Variants in CTSC observed in about 807,000 individuals in gnomAD.
CTSC encodes the protein dipeptidyl peptidase 1.
In CTSC, 37 loss-of-function variants were observed where a neutral mutation model predicts 40.9. The observed-to-expected ratio is 0.91, with a 90% confidence interval of 0.70 to 1.19. CTSC has a LOEUF of 1.19. CTSC is among the 50% of genes most tolerant of loss of function. CTSC has a pLI of 0.00. For synonymous variants in CTSC, 232 were observed against 207.4 expected, an observed-to-expected ratio of 1.12 and a Z score of -1.02; for missense variants, 594 against 567.3, an observed-to-expected ratio of 1.05 and a Z score of -0.48.
At chr11:88,313,830 T>C (rs1341172157) in intron 2 of CTSC, among the ~76,000 whole-genome samples, 2 of 152,192 alleles carry the variant, frequency 1.3e-5, no homozygotes, top group African/African-American at 4.8e-5. Context: ...ATAAACATTC[T>C]GGGATTCCAT....
chr11:88,319,094 T>C (rs1197708292), intron 2 of CTSC, among the ~76,000 whole-genome samples: 1 of 152,202 alleles, frequency 6.6e-6, no homozygotes, highest in Non-Finnish European at 1.5e-5. Flanking sequence ...ATCTGCCTGC[T>C]TAAACTGACT....
intron 2 of CTSC, among the ~76,000 whole-genome samples, chr11:88,314,429 T>G (rs963546922): frequency 6.6e-6 from 1 of 152,230 alleles, no homozygotes. Context: ...AAAACTGGAC[T>G]TGAATTGTGG....
At chr11:88,313,046 A>C (rs1188777807) in intron 2 of CTSC, among the ~76,000 whole-genome samples, 1 of 152,168 alleles carries the variant, frequency 6.6e-6, no homozygotes, top group African/African-American at 2.4e-5. Flanking sequence ...CAAGGGCCAC[A>C]CTAGGAAACT....
intron 3 of CTSC, among the ~76,000 whole-genome samples, chr11:88,310,064 G>T (rs1476567218): frequency 6.6e-6 from 1 of 151,990 alleles, no homozygotes; most frequent in East Asian, 1.9e-4. Flanking sequence ...TGGACATTCG[G>T]TTTATACTTG....
chr11:88,309,359 T>C (rs1405479557), intron 3 of CTSC, 41 bp from the exon 4 acceptor site: 1 of 1,526,528 alleles, frequency 6.6e-7, no homozygotes, highest in East Asian at 2.3e-5. Flanking sequence ...TAGTCTTTAC[T>C]GATGTAAATA....
At chr11:88,325,860 A>G in intron 2 of CTSC, 1 of 986,902 alleles carries the variant, frequency 1.0e-6, no homozygotes, top group Non-Finnish European at 1.2e-6. Context: ...TCCCTTCAAT[A>G]ACTTATATCT....
chr11:88,296,590 G>A (rs866992438), intron 5 of CTSC: 5 of 354,008 alleles, frequency 1.4e-5, no homozygotes, highest in South Asian at 9.0e-5. Context: ...TGTCTACAAC[G>A]TTCAAAGCCA....
intron 2 of CTSC, among the ~76,000 whole-genome samples, chr11:88,312,914 C>A (rs1937795273): frequency 6.6e-6 from 1 of 152,146 alleles, no homozygotes; most frequent in Non-Finnish European, 1.5e-5. Flanking sequence ...ATGATAATAA[C>A]CACATTTTAC....
intron 3 of CTSC, among the ~76,000 whole-genome samples, chr11:88,309,571 G>A (rs376621329): frequency 1.8e-4 from 28 of 152,074 alleles, no homozygotes; most frequent in African/African-American, 5.1e-4. Flanking sequence ...GTAAATAACC[G>A]AAATAAATAT....
chr11:88,334,983 C>A lies in CTSC; in HGVS notation c.272G>T (p.Gly91Val), dbSNP rs753249740. 6.2e-7 allele frequency: 1 copy of A among 1,612,502 alleles called. No homozygotes were observed. The highest frequency in any genetic ancestry group is 1.1e-5 in the South Asian group (1 of 91,040). ...SGHFTIIYNQGFEIVLNDYKW... is the reference protein window; with the variant it reads ...SGHFTIIYNQVFEIVLNDYKW... ...GTAGTCATTCAACACAATCTCAAAG[C>A]CTTGGTTGTAAATGATGGTGAAATG... Residue 91 changes from glycine to valine, a missense_variant, in exon 2 of 7, where the codon GGC (glycine) becomes GTC (valine). Physicochemically the swap from Gly to Val is moderately radical, Grantham distance 109. Coordinates refer to ENST00000227266, the MANE Select transcript of CTSC (RefSeq NM_001814.6).
At chr11:88,334,369 G>A (rs964025552) in intron 2 of CTSC, among the ~76,000 whole-genome samples, 1 of 152,170 alleles carries the variant, frequency 6.6e-6, no homozygotes, top group Admixed American at 6.5e-5. Context: ...AATGAGAGAA[G>A]GAAACAAGCT....
intron 4 of CTSC, among the ~76,000 whole-genome samples, chr11:88,307,744 G>C (rs967409352): frequency 6.6e-6 from 1 of 151,998 alleles, no homozygotes; most frequent in Non-Finnish European, 1.5e-5. Context: ...TTTGAAAGCA[G>C]AGCAAGGTGA....
At chr11:88,299,577 C>T (rs1944335722) in intron 5 of CTSC, 1 of 152,064 alleles carries the variant, frequency 6.6e-6, no homozygotes, top group Non-Finnish European at 1.5e-5. Flanking sequence ...GAGATGGGAG[C>T]TTGGAGGGCA....
intron 1 of CTSC, among the ~76,000 whole-genome samples, chr11:88,335,924 C>G (rs1247065797): frequency 6.6e-6 from 1 of 152,156 alleles, no homozygotes; most frequent in South Asian, 2.1e-4. Context: ...ACCTCATAAT[C>G]TGAATCCTTC....
intron 2 of CTSC, chr11:88,327,863 T>C (rs920751545): frequency 9.8e-5 from 50 of 512,346 alleles, no homozygotes; most frequent in Non-Finnish European, 1.5e-4. Flanking sequence ...AGGTTACAAG[T>C]AGCATTCTTG....
intron 4 of CTSC, among the ~76,000 whole-genome samples, chr11:88,306,653 G>A (rs1448087908): frequency 6.6e-6 from 1 of 152,200 alleles, no homozygotes. Context: ...TTCTCTGGCT[G>A]AGAGTCGTCT....
rs544002 is a variant in CTSC at position 88,294,811 on chromosome 11, G to A, written c.890-303C>T. On this transcript the variant is annotated intron_variant, in intron 6 of 6. Transcript: ENST00000227266. ...GCCGTGTGAAGAGTTTAACTTCTCT[G>A]TATCTCTGCTTACTTACCTGTAAAA... Among the ~76,000 whole-genome samples, 184 of 152,302 alleles carry A rather than the reference G, an allele frequency of 1.2e-3. 2 individuals are homozygous for A. In the East Asian group the frequency reaches 0.034, roughly 28 times the overall value.
chr11:88,313,733 A>G (rs890970147), intron 2 of CTSC, among the ~76,000 whole-genome samples: 1 of 152,174 alleles, frequency 6.6e-6, no homozygotes, highest in Admixed American at 6.5e-5. Context: ...AGAAAAGACT[A>G]TTTGTAGAAC....
At position 88,296,150 on chromosome 11, in the gene CTSC, C is replaced by T. The variant is rs748729285; in HGVS notation, c.872G>A (p.Cys291Tyr). The change falls in exon 6 of 7, where the codon TGT (cysteine) becomes TAT (tyrosine). Residue 291 changes from cysteine (C) to tyrosine (Y), a missense_variant. By Grantham distance (194) the Cys-to-Tyr change is radical (BLOSUM62 -2). Coordinates refer to ENST00000227266, the MANE Select transcript of CTSC (RefSeq NM_001814.6). ...ACACTTACCTTGAGCATACTGGCTA[C>T]AAGACACAACCTCCTGAGGGCTTAG... is the stretch of plus-strand genomic sequence containing the variant. The part of the protein sequence containing the change: ...PILSPQEVVS[C>Y]SQYAQGCEGG... 11 of 1,613,834 alleles carry T rather than the reference C, an allele frequency of 6.8e-6. No homozygotes were observed. Among genetic ancestry groups the T allele is most frequent in the Admixed American group, 6.7e-5 (4 of 59,990 alleles).
Sources: gnomAD v4.1 joint callset for allele counts (sites outside exome capture counted in the v4.1 genomes callset) on GRCh38, gnomAD v4.1.1 for gene constraint, MANE v1.5 for transcripts, NCBI Gene and HGNC (gene_info 2026-07-23, HGNC 2026-07-21) for gene names.